PRKD1: variants seen among roughly 807,000 people sequenced by gnomAD.
PRKD1 encodes protein kinase D1, also known as serine/threonine-protein kinase D1.
PRKD1 carries 63 observed loss-of-function variants against 95.9 expected under a neutral mutation model. The ratio of observed to expected loss-of-function variants is 0.66; its 90% CI spans 0.54 to 0.81. PRKD1 has a LOEUF of 0.81. Ranked by LOEUF, PRKD1 falls within the 30% of genes least tolerant of loss-of-function variation. The probability of loss-of-function intolerance (pLI) is 0.00; values close to 1 mark genes in which losing one functional copy is unlikely to be tolerated. For synonymous variants in PRKD1, 425 were observed against 423.1 expected (o/e 1.00, Z -0.05); for missense variants, 1,048 against 1,165.3 (o/e 0.90, Z 1.47).
chr14:29,597,381 C>G (rs1412998710), intron 16 of PRKD1, 110 bp downstream of exon 16: 1 of 1,188,956 alleles, frequency 8.4e-7, no homozygotes, highest in Admixed American at 3.1e-5. Context: ...CTGGTGGGCA[C>G]TTTACAATGA....
At chr14:29,892,438 CAAAAAA>C (rs201359274) in intron 1 of PRKD1, among the ~76,000 whole-genome samples, 1 of 131,650 alleles carries the variant, frequency 7.6e-6, no homozygotes, top group Non-Finnish European at 1.7e-5. Context: ...GCCACCCATA[CAAAAAA>C]AAAAAAAAAA....
intron 13 of PRKD1, among the ~76,000 whole-genome samples, chr14:29,605,840 C>T (rs374005337): frequency 2.0e-5 from 3 of 152,042 alleles, no homozygotes; most frequent in Non-Finnish European, 4.4e-5. Flanking sequence ...TATGCTAGTA[C>T]GTGTTCGACA....
intron 1 of PRKD1, among the ~76,000 whole-genome samples, chr14:29,871,042 A>G (rs558840903): frequency 4.6e-5 from 7 of 152,300 alleles, no homozygotes; most frequent in African/African-American, 1.7e-4. Flanking sequence ...CACCTTTTCA[A>G]TTGGCAGTGC....
chr14:29,770,698 G>A (rs1458185937), intron 1 of PRKD1, among the ~76,000 whole-genome samples: 2 of 152,158 alleles, frequency 1.3e-5, no homozygotes, highest in East Asian at 3.9e-4. Context: ...CAGGCATTGT[G>A]ACTCACACCT....
intron 1 of PRKD1, among the ~76,000 whole-genome samples, chr14:29,832,306 T>C (rs1214645155): frequency 2.0e-5 from 3 of 152,208 alleles, no homozygotes; most frequent in African/African-American, 7.2e-5. Flanking sequence ...TTTTACGCAT[T>C]TCCCTGAGTA....
chr14:29,784,862 T>C (rs1018321919), intron 1 of PRKD1, among the ~76,000 whole-genome samples: 1 of 152,236 alleles, frequency 6.6e-6, no homozygotes, highest in Non-Finnish European at 1.5e-5. Context: ...ACTATAACTC[T>C]GATTGAAAAG....
At chr14:29,711,275 G>T (rs1463181286) in intron 2 of PRKD1, among the ~76,000 whole-genome samples, 5 of 152,142 alleles carry the variant, frequency 3.3e-5, no homozygotes, top group African/African-American at 1.2e-4. Context: ...GAGAGGCCAG[G>T]ACTATGCTAA....
rs529379967 is a variant in PRKD1, at chr14:29,705,071, G to T, written c.403+20465C>A. On this transcript the variant is annotated intron_variant, in intron 2 of 17. Coordinates refer to ENST00000331968, the MANE Select transcript of PRKD1 (RefSeq NM_002742.3). The stretch of plus-strand genomic sequence containing the variant: ...AGAAGCAAAGCATAACTGTACTTCA[G>T]GACTGCAAGGTACTATAGCCAAATC... 3.9e-5 allele frequency among the ~76,000 whole-genome samples: 6 copies of T among 152,180 alleles called. No homozygotes were observed. In the South Asian group the frequency reaches 1.2e-3, roughly 32 times the overall value.
intron 1 of PRKD1, among the ~76,000 whole-genome samples, chr14:29,786,139 C>CA (rs1422579545): frequency 1.4e-4 from 21 of 152,144 alleles, no homozygotes; most frequent in African/African-American, 4.1e-4. Context: ...TGTGATGTAT[C>CA]ACATTTATTG....
intron 1 of PRKD1, among the ~76,000 whole-genome samples, chr14:29,861,806 C>T (rs1433440658): frequency 1.3e-5 from 2 of 152,102 alleles, no homozygotes; most frequent in Admixed American, 6.5e-5. Flanking sequence ...GTGTGTGCCA[C>T]CACACCCAGC....
At chr14:29,586,579 TG>T (rs1892937949) in intron 16 of PRKD1, among the ~76,000 whole-genome samples, 1 of 152,234 alleles carries the variant, frequency 6.6e-6, no homozygotes, top group South Asian at 2.1e-4. Context: ...TATTTTATGT[TG>T]TGCTAACAGA....
chr14:29,827,619 C>A (rs111872202), intron 1 of PRKD1, among the ~76,000 whole-genome samples: 1,663 of 152,220 alleles, frequency 0.011, 37 homozygotes, highest in African/African-American at 0.038. Context: ...AATCAAAATT[C>A]TTATTTTAAA....
chr14:29,661,033 G>A (rs1882158508), intron 4 of PRKD1, among the ~76,000 whole-genome samples: 1 of 152,092 alleles, frequency 6.6e-6, no homozygotes, highest in African/African-American at 2.4e-5. Flanking sequence ...CAAAGTTGAT[G>A]ACAGTTGAAG....
At chr14:29,761,406 T>G (rs1445516632) in intron 1 of PRKD1, among the ~76,000 whole-genome samples, 1 of 152,164 alleles carries the variant, frequency 6.6e-6, no homozygotes, top group Non-Finnish European at 1.5e-5. Flanking sequence ...AAGAGCACAT[T>G]TCTCATTTCA....
chr14:29,750,070 C>T (rs910845874), intron 1 of PRKD1, among the ~76,000 whole-genome samples: 2 of 152,138 alleles, frequency 1.3e-5, no homozygotes, highest in Non-Finnish European at 2.9e-5. Flanking sequence ...CAACACAAGT[C>T]ATTATTTGAG....
chr14:29,868,563 T>C (rs1242147672), intron 1 of PRKD1, among the ~76,000 whole-genome samples: 1 of 152,152 alleles, frequency 6.6e-6, no homozygotes, highest in Admixed American at 6.5e-5. Flanking sequence ...TCACTGCATT[T>C]TTTTCATTTA....
intron 2 of PRKD1, among the ~76,000 whole-genome samples, chr14:29,703,731 G>A (rs923511911): frequency 6.6e-6 from 1 of 152,066 alleles, no homozygotes; most frequent in African/African-American, 2.4e-5. Flanking sequence ...TATCTTTGGG[G>A]TGACAACTAA....
chr14:29,819,058 G>T (rs941578708), intron 1 of PRKD1, among the ~76,000 whole-genome samples: 6 of 152,026 alleles, frequency 3.9e-5, no homozygotes, highest in Admixed American at 2.6e-4. Context: ...TACAAAGAAA[G>T]GCTGTGTAAA....
intron 1 of PRKD1, among the ~76,000 whole-genome samples, chr14:29,867,940 T>G (rs1892967838): frequency 6.6e-6 from 1 of 152,218 alleles, no homozygotes; most frequent in East Asian, 1.9e-4. Context: ...ACCCTGAATA[T>G]TTGAACCACT....
Sources: gnomAD v4.1 joint callset for allele counts (sites outside exome capture counted in the v4.1 genomes callset) on GRCh38, gnomAD v4.1.1 for gene constraint, MANE v1.5 for transcripts, NCBI Gene and HGNC (gene_info 2026-07-23, HGNC 2026-07-21) for gene names.